The following C1QTNF7 variants were observed in gnomAD, a reference collection of about 807,000 sequenced individuals.
C1QTNF7 encodes C1q and TNF related 7.
C1QTNF7 carries 15 observed loss-of-function variants against 19.6 expected under a neutral mutation model. The observed-to-expected ratio is 0.76, with a 90% CI of 0.51 to 1.18. The LOEUF is 1.18. Among genes scored for constraint, C1QTNF7 ranks in the 50% most tolerant of loss-of-function variants. The probability of loss-of-function intolerance (pLI) is 0.00; values close to 1 mark genes in which losing one functional copy is unlikely to be tolerated. For synonymous variants in C1QTNF7, 142 were observed against 137.5 expected (o/e 1.03, Z -0.23); for missense variants, 324 against 359.7 (o/e 0.90, Z 0.80).
chr4:15,415,293 A>T (rs1212166209), intron 1 of C1QTNF7, among the ~76,000 whole-genome samples: 1 of 152,204 alleles, frequency 6.6e-6, no homozygotes, highest in Non-Finnish European at 1.5e-5. Context: ...AAAGAGGAGG[A>T]GGAGGAAGAG....
At position 15,435,752 on chromosome 4, in the gene C1QTNF7, C is replaced by T; in HGVS notation, c.9C>T (p.Val3=). Residue 3 remains valine, a synonymous_variant, in exon 2 of 3, where the codon GTC becomes GTT. Coordinates refer to ENST00000444304, the MANE Select transcript of C1QTNF7 (RefSeq NM_031911.5). The stretch of plus-strand genomic sequence containing the variant: ...CTCTTCCAGAGCCAAAGATGTTTGT[C>T]TTGCTCTATGTTACAAGTTTTGCCA... MF[V]LLYVTSFAIC... 6.2e-7 allele frequency: 1 copy of T among 1,614,138 alleles called. No homozygotes were observed. Among genetic ancestry groups the T allele is most frequent in the Non-Finnish European group, 8.5e-7 (1 of 1,180,016 alleles).
chr4:15,414,199 AC>A (rs1022204815), intron 1 of C1QTNF7, among the ~76,000 whole-genome samples: 34 of 152,332 alleles, frequency 2.2e-4, no homozygotes, highest in African/African-American at 7.5e-4. Context: ...GAATAAATAA[AC>A]CATTTATTAT....
upstream of C1QTNF7, chr4:15,427,667 A>C (rs2108931541): frequency 6.6e-6 from 1 of 152,342 alleles, no homozygotes; most frequent in African/African-American, 2.4e-5. Context: ...CTCAAATATA[A>C]AATGGCTTTT....
chr4:15,389,103 C>G (rs1353140814), intron 1 of C1QTNF7, among the ~76,000 whole-genome samples: 1 of 152,172 alleles, frequency 6.6e-6, no homozygotes, highest in Non-Finnish European at 1.5e-5. Flanking sequence ...GGTGAGGATA[C>G]AGGGGACTTT....
At chr4:15,383,036 G>A (rs1364810099) in intron 1 of C1QTNF7, among the ~76,000 whole-genome samples, 1 of 152,126 alleles carries the variant, frequency 6.6e-6, no homozygotes, top group African/African-American at 2.4e-5. Flanking sequence ...TAAGCATGCT[G>A]ATAAGGACAC....
intron 1 of C1QTNF7, among the ~76,000 whole-genome samples, chr4:15,395,740 A>G (rs16891867): frequency 0.11 from 16,320 of 152,192 alleles, 1,423 homozygotes; most frequent in African/African-American, 0.21. Context: ...CTGAGAAAAT[A>G]CAGGGCACCT....
chr4:15,345,677 G>A (rs1037770152), intron 1 of C1QTNF7, among the ~76,000 whole-genome samples: 6 of 152,140 alleles, frequency 3.9e-5, no homozygotes, highest in Admixed American at 6.5e-5. Context: ...AAGGTGTTCC[G>A]TCACTCAGCA....
At chr4:15,342,987 T>A (rs1716596086) in intron 1 of C1QTNF7, among the ~76,000 whole-genome samples, 1 of 152,206 alleles carries the variant, frequency 6.6e-6, no homozygotes, top group African/African-American at 2.4e-5. Context: ...ACATCTATCT[T>A]CTATGGGCAT....
At chr4:15,357,579 G>A (rs909479136) in intron 1 of C1QTNF7, among the ~76,000 whole-genome samples, 3 of 152,094 alleles carry the variant, frequency 2.0e-5, no homozygotes, top group African/African-American at 7.2e-5. Flanking sequence ...CTCTTTTTTG[G>A]TTCTATATGA....
chr4:15,430,351 G>A (rs560817210), intron 1 of C1QTNF7, among the ~76,000 whole-genome samples: 11 of 152,140 alleles, frequency 7.2e-5, no homozygotes, highest in Non-Finnish European at 1.5e-4. Context: ...TTGGGAGGGC[G>A]AGGTGGGCAG....
At chr4:15,347,445 T>C (rs757537247) in intron 1 of C1QTNF7, among the ~76,000 whole-genome samples, 3 of 152,184 alleles carry the variant, frequency 2.0e-5, no homozygotes, top group Non-Finnish European at 2.9e-5. Context: ...TCTCTCAGGG[T>C]CTTCCTGTGC....
At chr4:15,351,783 G>C (rs1374046616) in intron 1 of C1QTNF7, among the ~76,000 whole-genome samples, 1 of 152,224 alleles carries the variant, frequency 6.6e-6, no homozygotes, top group Non-Finnish European at 1.5e-5. Flanking sequence ...TGCATGACGT[G>C]AGGATGTCTG....
At chr4:15,414,122 C>T (rs115000271) in intron 1 of C1QTNF7, among the ~76,000 whole-genome samples, 1,617 of 152,242 alleles carry the variant, frequency 0.011, 12 homozygotes, top group Non-Finnish European at 0.018. Context: ...TATGCTTCTT[C>T]AGGGCAGATA....
chr4:15,373,630 C>G (rs1352714129), intron 1 of C1QTNF7, among the ~76,000 whole-genome samples: 1 of 152,178 alleles, frequency 6.6e-6, no homozygotes, highest in African/African-American at 2.4e-5. Flanking sequence ...TTAAGTGTTC[C>G]AGGCAGTGGC....
At chr4:15,421,418 T>C (rs1711753992) in intron 1 of C1QTNF7, among the ~76,000 whole-genome samples, 1 of 152,150 alleles carries the variant, frequency 6.6e-6, no homozygotes, top group Non-Finnish European at 1.5e-5. Context: ...GGATAGTCAA[T>C]GGCACTTACC....
intron 1 of C1QTNF7, among the ~76,000 whole-genome samples, chr4:15,355,535 A>AC (rs1472010183): frequency 6.6e-6 from 1 of 152,046 alleles, no homozygotes; most frequent in Admixed American, 6.6e-5. Context: ...GGCTCAGACC[A>AC]CCATTCAGGT....
At chr4:15,422,031 A>C (rs1029049955) in intron 1 of C1QTNF7, among the ~76,000 whole-genome samples, 1 of 152,126 alleles carries the variant, frequency 6.6e-6, no homozygotes, top group African/African-American at 2.4e-5. Context: ...GCTGGGGTGG[A>C]GGAGACTGAC....
At chr4:15,402,790 G>T (rs1310118224) in intron 1 of C1QTNF7, among the ~76,000 whole-genome samples, 1 of 152,078 alleles carries the variant, frequency 6.6e-6, no homozygotes, top group Non-Finnish European at 1.5e-5. Flanking sequence ...TTTTTATTCT[G>T]ATACATTCAA....
At chr4:15,341,587 C>T (rs1716538864) in intron 1 of C1QTNF7, among the ~76,000 whole-genome samples, 1 of 152,212 alleles carries the variant, frequency 6.6e-6, no homozygotes, top group Non-Finnish European at 1.5e-5. Context: ...ATTCCTTATC[C>T]TTCTCTTTCC....
Sources: allele counts gnomAD v4.1 joint callset (sites outside exome capture counted in the v4.1 genomes callset), GRCh38; gene constraint gnomAD v4.1.1; transcripts MANE v1.5; gene names NCBI Gene and HGNC (gene_info 2026-07-23, HGNC 2026-07-21).